ANXA1: variants seen among roughly 807,000 people sequenced by gnomAD.
ANXA1 encodes annexin A1.
ANXA1 carries 39 observed loss-of-function variants against 47.9 expected under a neutral mutation model. The observed-to-expected ratio is 0.81, with a 90% CI of 0.63 to 1.06. ANXA1 has a LOEUF of 1.06. Among genes scored for constraint, ANXA1 ranks in the 50% least tolerant of loss-of-function variants. The probability of loss-of-function intolerance (pLI) is 0.00; values close to 1 mark genes in which losing one functional copy is unlikely to be tolerated. For synonymous variants in ANXA1, 146 were observed against 142.5 expected (o/e 1.02, Z -0.17); for missense variants, 446 against 422.7 (o/e 1.06, Z -0.48).
In ANXA1 at chr9:73,169,016, C is replaced by A; in HGVS notation, c.862-16C>A. 1 of 1,598,186 alleles carries A rather than the reference C, an allele frequency of 6.3e-7. No individual in the cohort carries two copies. Among genetic ancestry groups the A allele is most frequent in the Middle Eastern group, 1.7e-4 (1 of 5,972 alleles). ...TTTCTGAATATGAGACACTTACCCTCATTTATTTTGGCCAGGGTGTTGGAA... is the reference window on the plus strand; with the variant it reads ...TTTCTGAATATGAGACACTTACCCTAATTTATTTTGGCCAGGGTGTTGGAA... On this transcript the variant is annotated splice_polypyrimidine_tract_variant and intron_variant, in intron 11 of 12. Coordinates refer to ENST00000257497, the MANE Select transcript of ANXA1 (RefSeq NM_000700.3).
At chr9:73,160,762 A>AT (rs1312381166) in intron 5 of ANXA1, 41 bp from the exon 6 acceptor site, 3 of 1,502,172 alleles carry the variant, frequency 2.0e-6, no homozygotes, top group East Asian at 2.3e-5. Context: ...TTGCATGAAG[A>AT]TTTTTTTCTA....
At chr9:73,152,312 G>A (rs1823984980) in intron 1 of ANXA1, among the ~76,000 whole-genome samples, 1 of 152,088 alleles carries the variant, frequency 6.6e-6, no homozygotes, top group Admixed American at 6.6e-5. Flanking sequence ...AAATCGTGAT[G>A]GGGGCTGCTT....
At chr9:73,168,002 A>G (rs914796806) in intron 11 of ANXA1, 1 of 158,998 alleles carries the variant, frequency 6.3e-6, no homozygotes, top group Non-Finnish European at 1.4e-5. Context: ...AAGGATGTAG[A>G]ATGATGTATT....
chr9:73,155,089 A>G (rs1420908803), intron 1 of ANXA1, among the ~76,000 whole-genome samples: 2 of 152,236 alleles, frequency 1.3e-5, no homozygotes, highest in African/African-American at 4.8e-5. Context: ...CGCTTTAGAA[A>G]GCTATACATT....
At position 73,160,882 on chromosome 9, in the gene ANXA1, T is replaced by A; in HGVS notation, c.464T>A (p.Val155Asp). 1.2e-6 allele frequency: 2 copies of A among 1,608,666 alleles called. No individual in the cohort carries two copies. Among genetic ancestry groups the A allele is most frequent in the Non-Finnish European group, 1.7e-6 (2 of 1,175,520 alleles). The stretch of plus-strand genomic sequence containing the variant: ...AAAGAAATCAGAGACATTAACAGGG[T>A]CTACAGAGAGGGTAAGTTGTAATGT... ...TNKEIRDINRVYREELKRDLA... is the reference protein window; with the variant it reads ...TNKEIRDINRDYREELKRDLA... The change falls in exon 6 of 13, where the codon GTC (valine) becomes GAC (aspartate). Residue 155 changes from valine (V) to aspartate (D), a missense_variant. Coordinates refer to ENST00000257497, the MANE Select transcript of ANXA1 (RefSeq NM_000700.3).
In ANXA1 at chr9:73,160,250, T is replaced by A. The variant is rs1196855550; in HGVS notation, c.271-13T>A. On this transcript the variant is annotated splice_polypyrimidine_tract_variant and intron_variant, in intron 4 of 12. Coordinates refer to ENST00000257497, the MANE Select transcript of ANXA1 (RefSeq NM_000700.3). ...CTTATTGGAAGTCCTGATTCTAATC[T>A]TTTTTTTTGTAGCCCCTGGATGAAA... The A allele has an allele frequency of 2.8e-6, 4 of 1,410,232 alleles. No individual in the cohort carries two copies. The highest frequency in any genetic ancestry group is 1.4e-5 in the South Asian group (1 of 71,564). The allele number at this position is 1,410,232 out of a possible 1,614,324, so 87.4% of individuals were successfully genotyped here.
chr9:73,168,890 T>G, intron 11 of ANXA1, 142 bp from the exon 12 acceptor site: 1 of 624,436 alleles, frequency 1.6e-6, no homozygotes, highest in Non-Finnish European at 2.8e-6. Flanking sequence ...GGTGTGTGTG[T>G]GTGTGTGTGT....
At chr9:73,163,085 G>T (rs1466294515) in intron 7 of ANXA1, among the ~76,000 whole-genome samples, 2 of 152,144 alleles carry the variant, frequency 1.3e-5, no homozygotes, top group African/African-American at 4.8e-5. Context: ...AAGGGAGCTG[G>T]TGTGTGCAGA....
intron 1 of ANXA1, chr9:73,154,459 A>G (rs1824017182): frequency 9.4e-6 from 9 of 962,078 alleles, no homozygotes; most frequent in Non-Finnish European, 1.3e-5. Context: ...TCTTCCCGAC[A>G]GAGTCTTGTT....
chr9:73,166,261 A>T, intron 10 of ANXA1, 69 bp downstream of exon 10: 1 of 1,081,824 alleles, frequency 9.2e-7, no homozygotes. Context: ...CCTATACTTA[A>T]CAAGAACAAC....
chr9:73,155,950 T>A (rs1426935223), intron 1 of ANXA1, among the ~76,000 whole-genome samples: 1 of 147,284 alleles, frequency 6.8e-6, no homozygotes, highest in Admixed American at 6.7e-5. Context: ...ATTATTCAAG[T>A]ATTTTTTAGA....
At chr9:73,163,914 A>G (rs1824185358) in intron 8 of ANXA1, among the ~76,000 whole-genome samples, 1 of 152,162 alleles carries the variant, frequency 6.6e-6, no homozygotes, top group Admixed American at 6.6e-5. Flanking sequence ...TTAACAGAGA[A>G]CTTTGGAATG....
At chr9:73,159,253 C>A in intron 3 of ANXA1, 76 bp from the exon 4 acceptor site, 1 of 1,165,918 alleles carries the variant, frequency 8.6e-7, no homozygotes, top group Non-Finnish European at 1.3e-6. Flanking sequence ...TTTGGAGCAT[C>A]TCAGTAATGA....
At chr9:73,168,249 T>C (rs928917756) in intron 11 of ANXA1, 12 of 152,262 alleles carry the variant, frequency 7.9e-5, no homozygotes, top group African/African-American at 2.6e-4. Context: ...TAATATGAAA[T>C]GATAGACATG....
At chr9:73,155,847 A>G (rs887730971) in intron 1 of ANXA1, among the ~76,000 whole-genome samples, 1 of 151,896 alleles carries the variant, frequency 6.6e-6, no homozygotes, top group Non-Finnish European at 1.5e-5. Flanking sequence ...TCTCTTTCAA[A>G]TAAGTGACTT....
chr9:73,166,435 A>G (rs1449042253), intron 10 of ANXA1, among the ~76,000 whole-genome samples: 2 of 152,082 alleles, frequency 1.3e-5, no homozygotes, highest in African/African-American at 4.8e-5. Flanking sequence ...TTGAGCACCT[A>G]CTTATATCAA....
At position 73,167,442 on chromosome 9, in the gene ANXA1, G is replaced by A. The variant is rs191023973; in HGVS notation, c.803-55G>A. The A allele has an allele frequency of 7.0e-3, 10,527 of 1,505,874 alleles. 54 individuals carry two copies. Among genetic ancestry groups the A allele is most frequent in the Non-Finnish European group, 8.4e-3 (9,143 of 1,086,062 alleles). The allele number at this position is 1,505,874 out of a possible 1,614,324, so 93.3% of individuals were successfully genotyped here. On this transcript the variant is annotated intron_variant, in intron 10 of 12. Transcript: ENST00000257497. ...CTATATTTCCTGTTTCTTTCATATG[G>A]ATATTTCATTTTTTTCATGGTAAAT...
chr9:73,163,669 G>C (rs62543867), intron 8 of ANXA1, 137 bp downstream of exon 8: 42,671 of 798,482 alleles, frequency 0.053, 1,786 homozygotes, highest in East Asian at 0.18. Flanking sequence ...CCTGAATGAG[G>C]CATGTCTTTC....
At chr9:73,165,411 T>G (rs1024170740) in intron 9 of ANXA1, 7 of 429,398 alleles carry the variant, frequency 1.6e-5, no homozygotes, top group Middle Eastern at 6.1e-4. Flanking sequence ...ATACATTTTG[T>G]GACTTGGGCA....
Sources: allele counts gnomAD v4.1 joint callset (sites outside exome capture counted in the v4.1 genomes callset), GRCh38; gene constraint gnomAD v4.1.1; transcripts MANE v1.5; gene names NCBI Gene and HGNC (gene_info 2026-07-23, HGNC 2026-07-21).